BTRC: variants seen among roughly 807,000 people sequenced by gnomAD.
The protein encoded by BTRC is beta-transducin repeat containing E3 ubiquitin protein ligase.
BTRC carries 42 observed loss-of-function variants against 85.5 expected under a neutral mutation model. The observed-to-expected ratio is 0.49, with a 90% CI of 0.38 to 0.64. The LOEUF is 0.64. Ranked by LOEUF, BTRC falls within the 30% of genes least tolerant of loss-of-function variation. The pLI is 0.00. For synonymous variants in BTRC, 255 were observed against 263.3 expected (o/e 0.97, Z 0.30); for missense variants, 594 against 743.5 (o/e 0.80, Z 2.34).
chr10:101,428,140 G>A (rs569205793), intron 1 of BTRC, among the ~76,000 whole-genome samples: 27 of 152,270 alleles, frequency 1.8e-4, no homozygotes, highest in African/African-American at 6.5e-4. Context: ...TGGTCGATAT[G>A]GATTGGCAGG....
chr10:101,367,007 T>TATATATATTTATATATATTA (rs1942466975), intron 1 of BTRC, among the ~76,000 whole-genome samples: 1 of 71,826 alleles, frequency 1.4e-5, no homozygotes, highest in Admixed American at 2.8e-4. Context: ...TATATATATT[T>TATATATATTTATATATATTA]ATATATATAT....
At chr10:101,531,451 C>T in intron 7 of BTRC, 118 bp downstream of exon 7, 1 of 755,360 alleles carries the variant, frequency 1.3e-6, no homozygotes, top group East Asian at 2.9e-5. Flanking sequence ...GGGAATCAAT[C>T]TCTTAGCTGG....
At chr10:101,422,868 G>A (rs994637394) in intron 1 of BTRC, among the ~76,000 whole-genome samples, 1 of 152,130 alleles carries the variant, frequency 6.6e-6, no homozygotes, top group Admixed American at 6.6e-5. Context: ...TTTGGTTACT[G>A]TTGCCTTGTA....
At chr10:101,391,577 CTT>C (rs1025369777) in intron 1 of BTRC, among the ~76,000 whole-genome samples, 11 of 152,120 alleles carry the variant, frequency 7.2e-5, no homozygotes, top group African/African-American at 2.4e-4. Flanking sequence ...TGGAGAGACT[CTT>C]TATAAAAATG....
At chr10:101,358,664 C>T (rs1942112923) in intron 1 of BTRC, among the ~76,000 whole-genome samples, 1 of 152,114 alleles carries the variant, frequency 6.6e-6, no homozygotes, top group African/African-American at 2.4e-5. Context: ...GTGGGAAAGA[C>T]CTTCACTTCT....
At chr10:101,365,484 AT>A (rs535163129) in intron 1 of BTRC, among the ~76,000 whole-genome samples, 63 of 135,058 alleles carry the variant, frequency 4.7e-4, no homozygotes, top group African/African-American at 1.7e-3. Context: ...TTTTATTTTT[AT>A]TTTTTTTGAG....
chr10:101,423,725 G>A (rs1944170342), intron 1 of BTRC, among the ~76,000 whole-genome samples: 1 of 152,160 alleles, frequency 6.6e-6, no homozygotes, highest in Non-Finnish European at 1.5e-5. Context: ...ATGAAATAAT[G>A]TACTTAAGGG....
intron 4 of BTRC, among the ~76,000 whole-genome samples, chr10:101,517,064 T>C (rs967040211): frequency 6.6e-5 from 10 of 152,196 alleles, no homozygotes; most frequent in African/African-American, 2.4e-4. Flanking sequence ...TGAGTTTTCA[T>C]TTCTGAGATA....
chr10:101,557,259 GTTTTT>G lies in BTRC; in HGVS notation c.*4140_*4144del, dbSNP rs557983228. ...ATCATGATAATGGAGTGTGTTTTGG[GTTTTT>G]TTTAACTGTTCAGAAAAAAAGTAAA... On this transcript the variant is annotated 3_prime_UTR_variant, in exon 15 of 15. Coordinates refer to ENST00000370187, the MANE Select transcript of BTRC (RefSeq NM_033637.4). The G allele has an allele frequency of 6.6e-6, 1 of 152,022 alleles. No individual in the cohort carries two copies. The highest frequency in any genetic ancestry group is 1.5e-5 in the Non-Finnish European group (1 of 67,988). The allele number at this position is 152,022 out of a possible 1,614,324, so 9.4% of individuals were successfully genotyped here.
At chr10:101,420,843 A>G (rs1010867201) in intron 1 of BTRC, among the ~76,000 whole-genome samples, 3 of 152,048 alleles carry the variant, frequency 2.0e-5, no homozygotes, top group Non-Finnish European at 4.4e-5. Flanking sequence ...AGGGAGAGGT[A>G]TCAGTTAAAT....
chr10:101,527,783 C>CA (rs1217070558), intron 6 of BTRC, among the ~76,000 whole-genome samples: 262 of 144,856 alleles, frequency 1.8e-3, no homozygotes, highest in African/African-American at 5.9e-3. Flanking sequence ...CTCTCTCTCT[C>CA]TCTCTCTCAC....
At chr10:101,363,706 T>C (rs1391276933) in intron 1 of BTRC, among the ~76,000 whole-genome samples, 1 of 152,158 alleles carries the variant, frequency 6.6e-6, no homozygotes, top group Non-Finnish European at 1.5e-5. Flanking sequence ...ACTGAAGAGC[T>C]CTTTAGCAGC....
chr10:101,464,244 G>C (rs747446377), intron 3 of BTRC, among the ~76,000 whole-genome samples: 1 of 152,140 alleles, frequency 6.6e-6, no homozygotes, highest in Non-Finnish European at 1.5e-5. Flanking sequence ...TTGGAAAATG[G>C]ATAGGCTGAT....
chr10:101,467,386 GTAAT>G (rs1255230545), intron 3 of BTRC, among the ~76,000 whole-genome samples: 1 of 147,458 alleles, frequency 6.8e-6, no homozygotes, highest in East Asian at 2.0e-4. Flanking sequence ...ATTGTATTGA[GTAAT>G]TAGAAGGTAC....
chr10:101,412,983 G>A (rs1266168127), intron 1 of BTRC, among the ~76,000 whole-genome samples: 1 of 152,190 alleles, frequency 6.6e-6, no homozygotes, highest in Non-Finnish European at 1.5e-5. Context: ...TGAGAGAAAT[G>A]TAAATGAAGT....
chr10:101,390,567 C>G (rs1040168563), intron 1 of BTRC, among the ~76,000 whole-genome samples: 1 of 151,940 alleles, frequency 6.6e-6, no homozygotes, highest in African/African-American at 2.4e-5. Context: ...CTCCTGACCT[C>G]GTGATCCTCC....
rs1024567700 is a variant in BTRC, at chr10:101,370,412, C to T, written c.48+16184C>T. ...TACAGGTGTGAGCCATCGGGCCCGC[C>T]CCTTCTTCCTTATCCTGATGGTACT... On this transcript the variant is annotated intron_variant, in intron 1 of 14. Coordinates refer to ENST00000370187, the MANE Select transcript of BTRC (RefSeq NM_033637.4). Among the ~76,000 whole-genome samples the T allele has an allele frequency of 4.6e-5, 7 of 152,078 alleles. No individual in the cohort carries two copies. The East Asian group carries it at 1.4e-3, about 29-fold the overall frequency.
intron 4 of BTRC, among the ~76,000 whole-genome samples, chr10:101,491,151 T>C (rs1350857679): frequency 6.6e-6 from 1 of 152,182 alleles, no homozygotes; most frequent in East Asian, 1.9e-4. Flanking sequence ...AGTATACAGA[T>C]CTTTCAAGGA....
intron 1 of BTRC, among the ~76,000 whole-genome samples, chr10:101,421,889 G>C (rs985805113): frequency 5.3e-5 from 8 of 151,948 alleles, no homozygotes; most frequent in Admixed American, 6.6e-5. Context: ...CATTTGGGTT[G>C]GTTCCAAGTC....
Sources: allele counts gnomAD v4.1 joint callset (sites outside exome capture counted in the v4.1 genomes callset), GRCh38; gene constraint gnomAD v4.1.1; transcripts MANE v1.5; gene names NCBI Gene and HGNC (gene_info 2026-07-23, HGNC 2026-07-21).